Variants in GALK2 observed in about 807,000 individuals in gnomAD.
GALK2 encodes N-acetylgalactosamine kinase.
In GALK2, 36 loss-of-function variants were observed where a neutral mutation model predicts 52.4. That is an observed-to-expected ratio of 0.69 (90% confidence interval 0.53 to 0.91). The LOEUF is 0.91. Ranked by LOEUF, GALK2 falls within the 40% of genes least tolerant of loss-of-function variation. The pLI, the probability that GALK2 is intolerant of heterozygous loss-of-function variation, is 0.00. For missense variants in GALK2, 579 were observed against 559.1 expected, an observed-to-expected ratio of 1.04 and a Z score of -0.36; for synonymous variants, 176 against 199.1, an observed-to-expected ratio of 0.88 and a Z score of 0.98.
In GALK2 at chr15:49,181,754, A is replaced by T. The variant is rs148685931; in HGVS notation, c.53+11379A>T. On this transcript the variant is annotated intron_variant, in intron 1 of 9. Coordinates refer to ENST00000560031, the MANE Select transcript of GALK2 (RefSeq NM_002044.4). Reference sequence around the variant, plus strand: ...ATAGAAAAATCAAATAATAATTGAAAAAAGTACTGTATATTCCTCTCCCAA... The same window carrying T: ...ATAGAAAAATCAAATAATAATTGAATAAAGTACTGTATATTCCTCTCCCAA... 1.0e-3 allele frequency among the ~76,000 whole-genome samples: 154 copies of T among 152,184 alleles called. 1 individual carries two copies. The East Asian group carries it at 0.028, about 28-fold the overall frequency.
chr15:49,367,404 T>C (rs770591797), intron 3 of GALK2: 7 of 1,470,228 alleles, frequency 4.8e-6, no homozygotes, highest in South Asian at 1.4e-5. Context: ...TTGAATATTA[T>C]TTTTGAAAGA....
chr15:49,252,554 A>T (rs1160240938), intron 5 of GALK2, among the ~76,000 whole-genome samples: 1 of 152,132 alleles, frequency 6.6e-6, no homozygotes, highest in African/African-American at 2.4e-5. Context: ...CTTTATAAGG[A>T]TATGCTATAC....
intron 3 of GALK2, among the ~76,000 whole-genome samples, chr15:49,359,072 T>C (rs1407569956): frequency 1.3e-5 from 2 of 152,048 alleles, no homozygotes; most frequent in African/African-American, 2.4e-5. Context: ...CCTTACACCT[T>C]ATACAAAAAT....
chr15:49,323,888 CTTAAA>C (rs532798397), intron 9 of GALK2, among the ~76,000 whole-genome samples: 3 of 151,962 alleles, frequency 2.0e-5, no homozygotes, highest in Non-Finnish European at 4.4e-5. Flanking sequence ...AATGTTAGAA[CTTAAA>C]TTATATGAAA....
chr15:49,289,430 C>G (rs1315302038), intron 7 of GALK2, among the ~76,000 whole-genome samples: 6 of 152,196 alleles, frequency 3.9e-5, no homozygotes, highest in Non-Finnish European at 8.8e-5. Context: ...TCATGAATAT[C>G]TTAACACTTT....
intron 7 of GALK2, 54 bp downstream of exon 7, chr15:49,283,772 T>C: frequency 6.3e-7 from 1 of 1,580,248 alleles, no homozygotes; most frequent in Non-Finnish European, 8.7e-7. Context: ...TTGTCTTTAT[T>C]TTCATTGTTC....
chr15:49,313,278 G>A (rs1004469480), intron 8 of GALK2, among the ~76,000 whole-genome samples: 3 of 152,208 alleles, frequency 2.0e-5, no homozygotes, highest in Admixed American at 6.5e-5. Flanking sequence ...AGGCATCACC[G>A]TGGCTGGCTA....
intron 5 of GALK2, among the ~76,000 whole-genome samples, chr15:49,281,537 A>C (rs2032699010): frequency 6.6e-6 from 1 of 152,208 alleles, no homozygotes; most frequent in South Asian, 2.1e-4. Flanking sequence ...GAGAGACTTC[A>C]TTACTTTTGG....
intron 1 of GALK2, chr15:49,178,591 T>C: frequency 4.3e-6 from 1 of 230,356 alleles, no homozygotes; most frequent in South Asian, 6.3e-5. Context: ...TGTAGCCCTG[T>C]CGGTGCACTT....
intron 8 of GALK2, among the ~76,000 whole-genome samples, chr15:49,306,704 C>T (rs1320075256): frequency 6.6e-6 from 1 of 152,114 alleles, no homozygotes; most frequent in African/African-American, 2.4e-5. Flanking sequence ...CTGCATTGAC[C>T]ACGATTCCTT....
chr15:49,276,654 GACTC>G (rs776255367), intron 5 of GALK2, among the ~76,000 whole-genome samples: 20 of 152,180 alleles, frequency 1.3e-4, no homozygotes, highest in Non-Finnish European at 2.6e-4. Flanking sequence ...AGCATGAATA[GACTC>G]ACTCACATGT....
chr15:49,241,988 C>T (rs1251264312), intron 5 of GALK2, among the ~76,000 whole-genome samples: 1 of 151,860 alleles, frequency 6.6e-6, no homozygotes, highest in Non-Finnish European at 1.5e-5. Context: ...ACAATATTTA[C>T]ATTTTCTAAG....
chr15:49,365,246 G>T, intron 3 of GALK2: 1 of 1,123,042 alleles, frequency 8.9e-7, no homozygotes. Context: ...ACATTTCCAG[G>T]CAACAACTGA....
intron 1 of GALK2, among the ~76,000 whole-genome samples, chr15:49,200,580 C>T (rs1034463411): frequency 6.6e-6 from 1 of 152,060 alleles, no homozygotes; most frequent in Admixed American, 6.6e-5. Flanking sequence ...AAGCTGTAAG[C>T]CAAAGAACAC....
At chr15:49,212,022 C>CTCTGCTA (rs1487941091) in intron 2 of GALK2, among the ~76,000 whole-genome samples, 4 of 152,258 alleles carry the variant, frequency 2.6e-5, no homozygotes, top group African/African-American at 9.6e-5. Flanking sequence ...TGCCTTGACT[C>CTCTGCTA]TCTGCTATCA....
In GALK2 at chr15:49,285,861, T is replaced by C. The variant is rs1032913205; in HGVS notation, c.756+2143T>C. On this transcript the variant is annotated intron_variant, in intron 7 of 9. Transcript: ENST00000560031. ...TAATACCTTTCAAAAGCTTCCTATT[T>C]CGTTGGAATAAAGTAAAAGGTCCAT... Among the ~76,000 whole-genome samples, 6 of 152,258 alleles carry C rather than the reference T, an allele frequency of 3.9e-5. No homozygotes were observed. In the East Asian group the frequency reaches 5.8e-4, roughly 15 times the overall value.
intron 3 of GALK2, among the ~76,000 whole-genome samples, chr15:49,361,434 T>G (rs1294325232): frequency 6.6e-6 from 1 of 152,114 alleles, no homozygotes; most frequent in Non-Finnish European, 1.5e-5. Flanking sequence ...GTGTCTGTTA[T>G]TCCCTTCTTT....
intron 1 of GALK2, among the ~76,000 whole-genome samples, chr15:49,160,672 G>A (rs958539905): frequency 1.3e-5 from 2 of 152,066 alleles, no homozygotes; most frequent in African/African-American, 4.8e-5. Context: ...AGACCATCCT[G>A]GCGAACATGG....
At chr15:49,220,509 A>G (rs549515779) in intron 3 of GALK2, among the ~76,000 whole-genome samples, 6 of 151,968 alleles carry the variant, frequency 3.9e-5, no homozygotes, top group Non-Finnish European at 8.8e-5. Flanking sequence ...TTGATTCCCT[A>G]TCTTTGCTAT....
Sources: gnomAD v4.1 joint callset for allele counts (sites outside exome capture counted in the v4.1 genomes callset) on GRCh38, gnomAD v4.1.1 for gene constraint, MANE v1.5 for transcripts, NCBI Gene and HGNC (gene_info 2026-07-23, HGNC 2026-07-21) for gene names.